The following MAGEC3 variants were observed in gnomAD, a reference collection of about 807,000 sequenced individuals.
MAGEC3 encodes melanoma-associated antigen C3.
A neutral mutation model predicts 35.3 loss-of-function variants in MAGEC3; 34 were observed. The observed-to-expected ratio is 0.96, with a 90% CI of 0.73 to 1.28. The LOEUF (loss-of-function observed/expected upper bound fraction) is 1.28. Ranked by LOEUF, MAGEC3 falls within the 50% of genes most tolerant of loss-of-function variation. The pLI is 0.00. For missense variants in MAGEC3, 561 were observed against 483.6 expected (o/e 1.16, Z -1.50); for synonymous variants, 202 against 185.6 (o/e 1.09, Z -0.72).
chrX:141,895,859 G>C (rs916781975), intron 6 of MAGEC3, among the ~76,000 whole-genome samples: 65 of 110,803 alleles, frequency 5.9e-4, no homozygotes, highest in African/African-American at 2.0e-3. Context: ...ATAAGAGTGA[G>C]GACGGAGAGG....
At chrX:141,878,906 C>G (rs1421457956) in intron 2 of MAGEC3, among the ~76,000 whole-genome samples, 1 of 111,888 alleles carries the variant, frequency 8.9e-6, no homozygotes, top group Non-Finnish European at 1.9e-5. Context: ...AACAGAGAGT[C>G]CTGCCCACCC....
intron 7 of MAGEC3, 62 bp from the exon 8 acceptor site, chrX:141,897,567 G>T: frequency 1.7e-6 from 2 of 1,193,252 alleles, no homozygotes; most frequent in East Asian, 3.0e-5. Flanking sequence ...GAAAGTACCT[G>T]GAGTACCGGG....
Position 141,897,623 on chromosome X carries a change from C to G in MAGEC3, c.1729-6C>G, listed in dbSNP as rs2018115236. On this transcript the variant is annotated splice_polypyrimidine_tract_variant and splice_region_variant and intron_variant, in intron 7 of 7. Transcript: ENST00000298296. ...CCACGTTATGAATTTTTGTGGGGTCCAAGAGCCCATTCAGAGGCCAGCAAG... is the reference window on the plus strand; with the variant it reads ...CCACGTTATGAATTTTTGTGGGGTCGAAGAGCCCATTCAGAGGCCAGCAAG... 1 of 1,204,012 alleles carries G rather than the reference C, an allele frequency of 8.3e-7. No homozygotes were observed. Among genetic ancestry groups the G allele is most frequent in the Admixed American group, 2.2e-5 (1 of 45,281 alleles).
rs1340275698 is a variant in MAGEC3 at position 141,879,402 on chromosome X, A to G, written c.486A>G (p.Gly162=). The G allele has an allele frequency of 2.5e-6, 3 of 1,180,999 alleles. No individual in the cohort carries two copies. The highest frequency in any genetic ancestry group is 2.4e-5 in the Admixed American group (1 of 41,554). Residue 162 remains glycine, a synonymous_variant, in exon 3 of 8, where the codon GGA becomes GGG. Transcript: ENST00000298296. The stretch of plus-strand genomic sequence containing the variant: ...TTTCCCTTCCTGCCGTCAGCCCTGG[A>G]AAAAGGTTGTGGGGGGAGAAAGCGG... ...YTLSLPAVSP[G]KRLWGEKAGS...
intron 4 of MAGEC3, among the ~76,000 whole-genome samples, chrX:141,891,441 T>G (rs1312902087): frequency 9.0e-6 from 1 of 110,640 alleles, no homozygotes; most frequent in Non-Finnish European, 1.9e-5. Context: ...ATTACACTGC[T>G]CCTCTTCCTT....
chrX:141,888,699 C>T (rs2018019826), intron 4 of MAGEC3, among the ~76,000 whole-genome samples: 1 of 111,702 alleles, frequency 9.0e-6, no homozygotes, highest in Non-Finnish European at 1.9e-5. Context: ...GCCATAGTGG[C>T]ATGGATGGAG....
At chrX:141,877,101 G>A (rs2868576) in intron 2 of MAGEC3, among the ~76,000 whole-genome samples, 25,481 of 111,444 alleles carry the variant, frequency 0.23, 3,087 homozygotes, top group African/African-American at 0.45. Context: ...TAGGATTGCA[G>A]TCGATCTGTA....
chrX:141,865,681 T>G (rs556536557), intron 2 of MAGEC3, 76 bp downstream of exon 2: 14 of 1,077,801 alleles, frequency 1.3e-5, no homozygotes, highest in Non-Finnish European at 1.7e-5. Flanking sequence ...CTCCCTGTGC[T>G]GTTAGCCCTG....
chrX:141,862,311 G>C (rs774783454), intron 1 of MAGEC3, among the ~76,000 whole-genome samples: 26 of 111,536 alleles, frequency 2.3e-4, no homozygotes, highest in Non-Finnish European at 4.7e-4. Flanking sequence ...GTGGGAAAAA[G>C]GAAACTCTTA....
intron 3 of MAGEC3, chrX:141,880,952 T>C: frequency 3.2e-6 from 2 of 615,830 alleles, no homozygotes; most frequent in East Asian, 3.9e-5. Flanking sequence ...CTCACACATT[T>C]ACCTCCTGCT....
chrX:141,846,104 T>C (rs996993344), intron 1 of MAGEC3, among the ~76,000 whole-genome samples: 1 of 110,332 alleles, frequency 9.1e-6, no homozygotes, highest in Non-Finnish European at 1.9e-5. Flanking sequence ...TCCACCAATT[T>C]AGTGGTTCTT....
At position 141,881,757 on chromosome X, in the gene MAGEC3, A is replaced by G; in HGVS notation, c.870A>G (p.Ala290=). The change falls in exon 4 of 8, where the codon GCA becomes GCG. Residue 290 remains alanine, a synonymous_variant. Transcript: ENST00000298296. ...TGATCTTCATAAAGGGCAACTGTGC[A>G]TCTGAGGAGGTCATCTGGGAAGTGC... is the stretch of plus-strand genomic sequence containing the variant. The part of the protein sequence containing the change: ...LSVIFIKGNC[A]SEEVIWEVLN... 1 of 1,211,567 alleles carries G rather than the reference A, an allele frequency of 8.3e-7. No individual in the cohort carries two copies. The highest frequency in any genetic ancestry group is 1.1e-6 in the Non-Finnish European group (1 of 895,437).
intron 1 of MAGEC3, among the ~76,000 whole-genome samples, chrX:141,863,870 G>A (rs1360189873): frequency 9.0e-6 from 1 of 111,243 alleles, no homozygotes; most frequent in African/African-American, 3.3e-5. Context: ...ATTGCTGGTT[G>A]GAAAAAATAT....
chrX:141,897,734 G>A lies in MAGEC3; in HGVS notation c.1834G>A (p.Glu612Lys), dbSNP rs1267984649. ...SWYMDALKDM[E>K]DRAQAIIDTT... ...GTACATGGATGCTTTGAAAGATATG[G>A]AAGACAGAGCCCAGGCCATAATTGA... is the stretch of plus-strand genomic sequence containing the variant. The change falls in exon 8 of 8, where the codon GAA becomes AAA. Residue 612 changes from glutamate to lysine, a missense_variant. Physicochemically the swap from Glu to Lys is moderately conservative, Grantham distance 56. Coordinates refer to ENST00000298296, the MANE Select transcript of MAGEC3 (RefSeq NM_138702.1). The A allele has an allele frequency of 1.7e-6, 2 of 1,209,948 alleles. No individual in the cohort carries two copies. The highest frequency in any genetic ancestry group is 3.5e-5 in the African/African-American group (2 of 57,073).
intron 1 of MAGEC3, among the ~76,000 whole-genome samples, chrX:141,841,848 A>G (rs2017687781): frequency 8.9e-6 from 1 of 111,971 alleles, no homozygotes; most frequent in South Asian, 3.7e-4. Flanking sequence ...AGGGACTGCT[A>G]TTAGCATATT....
chrX:141,858,773 A>G (rs1271824632), intron 1 of MAGEC3, among the ~76,000 whole-genome samples: 1 of 111,067 alleles, frequency 9.0e-6, no homozygotes, highest in African/African-American at 3.3e-5. Flanking sequence ...AACTATATAT[A>G]TAGTGTGTGT....
Position 141,872,478 on chromosome X carries a change from A to T in MAGEC3, c.259-6697A>T, listed in dbSNP as rs139635833. Among the ~76,000 whole-genome samples, 1,058 of 111,402 alleles carry T rather than the reference A, an allele frequency of 9.5e-3. 10 individuals are homozygous for T. Among genetic ancestry groups the T allele is most frequent in the African/African-American group, 0.032 (975 of 30,534 alleles). On this transcript the variant is annotated intron_variant, in intron 2 of 7. Coordinates refer to ENST00000298296, the MANE Select transcript of MAGEC3 (RefSeq NM_138702.1). ...TTTCTGAAAGAGGACAGTTAATCTG[A>T]GAAGAAACTGCACATCCCCAAGATT...
At chrX:141,845,978 A>G (rs1453769720) in intron 1 of MAGEC3, among the ~76,000 whole-genome samples, 1 of 110,992 alleles carries the variant, frequency 9.0e-6, no homozygotes, top group African/African-American at 3.3e-5. Flanking sequence ...AATTTTAAGC[A>G]TCTAAAACAG....
intron 4 of MAGEC3, among the ~76,000 whole-genome samples, chrX:141,888,085 G>T (rs1435914273): frequency 8.9e-6 from 1 of 112,042 alleles, no homozygotes; most frequent in African/African-American, 3.2e-5. Flanking sequence ...AGGTCCTGAA[G>T]ACACAAGTAA....
Sources: allele counts gnomAD v4.1 joint callset (sites outside exome capture counted in the v4.1 genomes callset), GRCh38; gene constraint gnomAD v4.1.1; transcripts MANE v1.5; gene names NCBI Gene and HGNC (gene_info 2026-07-23, HGNC 2026-07-21).